Variants in DISC1 observed in about 807,000 individuals in gnomAD.
DISC1 encodes disrupted in schizophrenia 1 protein.
In DISC1, 57 loss-of-function variants were observed where a neutral mutation model predicts 84.5. That is an observed-to-expected ratio of 0.67 (90% CI 0.55 to 0.84). DISC1 has a LOEUF of 0.84. DISC1 is among the 40% of genes least tolerant of loss of function. The pLI is 0.00. For synonymous variants in DISC1, 411 were observed against 415.2 expected, an observed-to-expected ratio of 0.99 and a Z score of 0.12; for missense variants, 1,000 against 1,057.8, an observed-to-expected ratio of 0.95 and a Z score of 0.76.
At chr1:231,917,434 G>A (rs2089715312) in intron 9 of DISC1, among the ~76,000 whole-genome samples, 1 of 152,174 alleles carries the variant, frequency 6.6e-6, no homozygotes, top group Non-Finnish European at 1.5e-5. Context: ...TTATATTTGG[G>A]GAGTGTTTTA....
intron 1 of DISC1, among the ~76,000 whole-genome samples, chr1:231,645,504 C>CT (rs35679664): frequency 0.054 from 7,745 of 143,240 alleles, 442 homozygotes; most frequent in East Asian, 0.21. Flanking sequence ...CATGTCACTT[C>CT]TTTTTTTTTT....
In DISC1 at chr1:231,682,860, G is replaced by A. The variant is rs140807057; in HGVS notation, c.68-10966G>A. On this transcript the variant is annotated intron_variant, in intron 1 of 12. Coordinates refer to ENST00000439617, the MANE Select transcript of DISC1 (RefSeq NM_018662.3). ...CACCAGTATCCTTTTCCTGTTCCCC[G>A]ATCCAATCCAGGATCCCACACTGTA... Among the ~76,000 whole-genome samples the A allele has an allele frequency of 2.9e-3, 437 of 152,260 alleles. 7 individuals are homozygous for A. The highest frequency in any genetic ancestry group is 0.01 in the African/African-American group (419 of 41,520).
intron 9 of DISC1, among the ~76,000 whole-genome samples, chr1:231,916,670 A>G (rs988915457): frequency 1.3e-5 from 2 of 151,886 alleles, no homozygotes; most frequent in Non-Finnish European, 2.9e-5. Context: ...AAAAAAAAAA[A>G]AAAGAAAGTT....
At chr1:231,891,882 C>A (rs202175794) in intron 9 of DISC1, among the ~76,000 whole-genome samples, 12 of 152,168 alleles carry the variant, frequency 7.9e-5, no homozygotes, top group Non-Finnish European at 1.6e-4. Context: ...TAACCTGCGG[C>A]CTTCCCCTTT....
At chr1:231,632,404 C>T (rs2058788559) in intron 1 of DISC1, among the ~76,000 whole-genome samples, 1 of 152,208 alleles carries the variant, frequency 6.6e-6, no homozygotes, top group Non-Finnish European at 1.5e-5. Context: ...CAACATTTGC[C>T]TGTCATGGGT....
intron 8 of DISC1, among the ~76,000 whole-genome samples, chr1:231,800,675 A>C (rs974324955): frequency 6.6e-6 from 1 of 152,140 alleles, no homozygotes; most frequent in Non-Finnish European, 1.5e-5. Context: ...TTTTCCATTA[A>C]TTAGTAGCTT....
At chr1:231,988,091 C>G (rs1664702872) in intron 10 of DISC1, among the ~76,000 whole-genome samples, 1 of 152,100 alleles carries the variant, frequency 6.6e-6, no homozygotes, top group Non-Finnish European at 1.5e-5. Flanking sequence ...GAGGCTGAGG[C>G]AAGAGAATCA....
chr1:231,783,385 G>C (rs1013756842), intron 6 of DISC1, among the ~76,000 whole-genome samples: 2 of 152,148 alleles, frequency 1.3e-5, no homozygotes, highest in Non-Finnish European at 2.9e-5. Context: ...GAATGATTAT[G>C]ATCTGAACAT....
At chr1:231,886,067 G>C (rs1263587202) in intron 9 of DISC1, among the ~76,000 whole-genome samples, 6 of 152,132 alleles carry the variant, frequency 3.9e-5, no homozygotes, top group South Asian at 2.1e-4. Context: ...AGCAAGCAAG[G>C]GGGGGCCAAG....
chr1:231,704,854 CG>C lies in DISC1; in HGVS notation c.1117+2831del, dbSNP rs571162347. On this transcript the variant is annotated intron_variant, in intron 3 of 12. Transcript: ENST00000439617. The stretch of plus-strand genomic sequence containing the variant: ...ATTTCTAATGATCTCCCAAATGATG[CG>C]CATACTGCGAGCCTGTGAGCCACAC... Among the ~76,000 whole-genome samples, 203 of 150,372 alleles carry C rather than the reference CG, an allele frequency of 1.3e-3. 1 individual carries two copies. Among genetic ancestry groups the C allele is most frequent in the Non-Finnish European group, 2.5e-3 (169 of 67,790 alleles).
At chr1:231,978,539 A>G (rs575641828) in intron 10 of DISC1, among the ~76,000 whole-genome samples, 1 of 152,314 alleles carries the variant, frequency 6.6e-6, no homozygotes, top group African/African-American at 2.4e-5. Flanking sequence ...CTGGTTTTCT[A>G]GCATCCTACA....
chr1:231,637,904 T>C (rs573962138), intron 1 of DISC1, among the ~76,000 whole-genome samples: 3 of 152,254 alleles, frequency 2.0e-5, no homozygotes, highest in Non-Finnish European at 4.4e-5. Context: ...TTTAGTTCTT[T>C]GAGAAATCTC....
chr1:231,797,735 T>A (rs909409118), intron 7 of DISC1, among the ~76,000 whole-genome samples: 2 of 152,178 alleles, frequency 1.3e-5, no homozygotes, highest in Non-Finnish European at 2.9e-5. Flanking sequence ...CTCTAATACA[T>A]TTATAAAACT....
chr1:231,866,403 A>G (rs1159320726), intron 9 of DISC1: 2 of 666,376 alleles, frequency 3.0e-6, no homozygotes, highest in South Asian at 1.7e-5. Flanking sequence ...GCAGAAATGT[A>G]ACAATTCTTT....
chr1:231,645,272 C>T (rs1055130269), intron 1 of DISC1, among the ~76,000 whole-genome samples: 5 of 152,066 alleles, frequency 3.3e-5, no homozygotes, highest in South Asian at 2.1e-4. Flanking sequence ...GTAGACACAC[C>T]GGTCATCATG....
chr1:231,680,648 C>T (rs1388447027), intron 1 of DISC1, among the ~76,000 whole-genome samples: 2 of 152,114 alleles, frequency 1.3e-5, no homozygotes, highest in Non-Finnish European at 2.9e-5. Flanking sequence ...TTTAAAGTGG[C>T]ACAAAGCTTT....
At chr1:231,997,584 G>A (rs180962539) in intron 10 of DISC1, among the ~76,000 whole-genome samples, 76 of 152,202 alleles carry the variant, frequency 5.0e-4, no homozygotes, top group African/African-American at 1.8e-3. Context: ...TGGCAGTGAG[G>A]CTCGGGGTTT....
chr1:231,721,007 T>C, intron 3 of DISC1: 2 of 1,290,968 alleles, frequency 1.5e-6, no homozygotes, highest in Non-Finnish European at 2.0e-6. Context: ...ATACGGATCA[T>C]GAAAATTGAC....
At position 231,954,649 on chromosome 1, in the gene DISC1, C is replaced by T. The variant is rs1572321000; in HGVS notation, c.1982-4179C>T. On this transcript the variant is annotated intron_variant, in intron 9 of 12. Coordinates refer to ENST00000439617, the MANE Select transcript of DISC1 (RefSeq NM_018662.3). This position sits in a 1 kb window ranked among gnomAD's most constrained non-coding sequence, Gnocchi z 4.8. Reference sequence around the variant, plus strand: ...ACCTTGCCTTACTACCATTGCCATTCTCATAGGTCCCTGCTCTACTGGACC... The same window carrying T: ...ACCTTGCCTTACTACCATTGCCATTTTCATAGGTCCCTGCTCTACTGGACC... Among the ~76,000 whole-genome samples, 3 of 152,176 alleles carry T rather than the reference C, an allele frequency of 2.0e-5. No homozygotes were observed. Among genetic ancestry groups the T allele is most frequent in the East Asian group, 3.8e-4 (2 of 5,196 alleles).
Sources: gnomAD v4.1 joint callset for allele counts (sites outside exome capture counted in the v4.1 genomes callset) on GRCh38, gnomAD v4.1.1 for gene constraint, Gnocchi (gnomAD v3.1) non-coding constraint, MANE v1.5 for transcripts, NCBI Gene and HGNC (gene_info 2026-07-23, HGNC 2026-07-21) for gene names.